Variants in KAZN observed in about 807,000 individuals in gnomAD.
The protein encoded by KAZN is kazrin.
KAZN carries 40 observed loss-of-function variants against 87.4 expected under a neutral mutation model. The ratio of observed to expected loss-of-function variants is 0.46; its 90% CI spans 0.36 to 0.60. The LOEUF (loss-of-function observed/expected upper bound fraction) is 0.60, where lower values mean the gene tolerates loss of function less well. Ranked by LOEUF, KAZN falls within the 20% of genes least tolerant of loss-of-function variation. The pLI is 0.00. For synonymous variants in KAZN, 466 were observed against 458.3 expected, an observed-to-expected ratio of 1.02 and a Z score of -0.22; for missense variants, 898 against 1,073.9, an observed-to-expected ratio of 0.84 and a Z score of 2.29.
intron 1 of KAZN, among the ~76,000 whole-genome samples, chr1:14,880,995 G>T (rs1190602627): frequency 6.6e-6 from 1 of 152,202 alleles, no homozygotes; most frequent in Non-Finnish European, 1.5e-5. Flanking sequence ...GGAAAACAAT[G>T]AGGTAAGAAA....
At position 14,438,498 on chromosome 1, in the gene KAZN, T is replaced by C. The variant is rs1189485743; in HGVS notation, c.250-160485T>C. On this transcript the variant is annotated intron_variant, in intron 2 of 16. Transcript: ENST00000636203. The stretch of plus-strand genomic sequence containing the variant: ...GCAAGAGAGTAAGCCATCAGGTATC[T>C]GGGGGAAGAACATTCTAGACATCAA... Among the ~76,000 whole-genome samples the C allele has an allele frequency of 2.0e-5, 3 of 152,116 alleles. No individual in the cohort carries two copies. The East Asian group carries it at 5.8e-4, about 29-fold the overall frequency.
intron 2 of KAZN, among the ~76,000 whole-genome samples, chr1:14,492,461 G>C (rs1017625843): frequency 1.3e-5 from 2 of 151,620 alleles, no homozygotes; most frequent in Admixed American, 1.3e-4. Flanking sequence ...AAATCAACGG[G>C]AAGAAGATGG....
intron 2 of KAZN, among the ~76,000 whole-genome samples, chr1:14,512,659 C>A (rs1050287590): frequency 1.3e-5 from 2 of 152,208 alleles, no homozygotes; most frequent in African/African-American, 4.8e-5. Flanking sequence ...TCACACAGTT[C>A]GCCGGGGTCA....
chr1:14,587,489 G>A (rs1459326420), intron 2 of KAZN, among the ~76,000 whole-genome samples: 1 of 151,830 alleles, frequency 6.6e-6, no homozygotes, highest in South Asian at 2.1e-4. Context: ...CACTTTTGCA[G>A]GCTGTACAGG....
At chr1:14,556,879 C>G (rs1005383077) in intron 2 of KAZN, among the ~76,000 whole-genome samples, 2 of 152,176 alleles carry the variant, frequency 1.3e-5, no homozygotes, top group Non-Finnish European at 2.9e-5. Flanking sequence ...TCCCGAGGAC[C>G]CTTGCATGGC....
chr1:14,988,453 G>A (rs1173885895), intron 2 of KAZN, among the ~76,000 whole-genome samples: 2 of 152,188 alleles, frequency 1.3e-5, no homozygotes, highest in South Asian at 2.1e-4. Flanking sequence ...AGCTCCACCC[G>A]GCCCAGCCCT....
At chr1:14,199,163 A>G (rs538576271) in intron 2 of KAZN, among the ~76,000 whole-genome samples, 10 of 152,168 alleles carry the variant, frequency 6.6e-5, no homozygotes, top group Non-Finnish European at 1.3e-4. Context: ...AGTGTTTCCC[A>G]TTGCATTTAG....
At chr1:14,642,132 G>T (rs1051947986) in intron 1 of KAZN, among the ~76,000 whole-genome samples, 2 of 152,230 alleles carry the variant, frequency 1.3e-5, no homozygotes, top group Non-Finnish European at 2.9e-5. Flanking sequence ...AGGCATGGTG[G>T]CTTAAGCCTG....
chr1:14,206,578 T>TA lies in KAZN; in HGVS notation c.249+25990dup, dbSNP rs1173563406. ...TAATCTTACCAAGAGGAAGTATAGT[T>TA]AAAACAAGTGTTTTAAAAAAAATAA... On this transcript the variant is annotated intron_variant, in intron 2 of 16. Transcript: ENST00000636203. Among the ~76,000 whole-genome samples, 4 of 152,268 alleles carry TA rather than the reference T, an allele frequency of 2.6e-5. No individual in the cohort carries two copies. The East Asian group carries it at 5.8e-4, about 22-fold the overall frequency.
chr1:13,983,736 C>T (rs973978380), intron 1 of KAZN, among the ~76,000 whole-genome samples: 25 of 152,264 alleles, frequency 1.6e-4, no homozygotes, highest in African/African-American at 6.0e-4. Context: ...CAAAGGGAAC[C>T]TCTTTTCCTT....
intron 2 of KAZN, among the ~76,000 whole-genome samples, chr1:14,466,767 G>T (rs995202895): frequency 6.6e-6 from 1 of 151,960 alleles, no homozygotes; most frequent in Non-Finnish European, 1.5e-5. Context: ...AGGAGATGGA[G>T]ACCATCCTGG....
At chr1:14,248,797 G>T (rs751144340) in intron 2 of KAZN, among the ~76,000 whole-genome samples, 1 of 152,186 alleles carries the variant, frequency 6.6e-6, no homozygotes, top group Non-Finnish European at 1.5e-5. Context: ...TGTAAAGAGG[G>T]TGAAACTGAT....
chr1:15,039,780 G>A (rs531004714), intron 3 of KAZN, among the ~76,000 whole-genome samples: 24 of 152,166 alleles, frequency 1.6e-4, no homozygotes, highest in African/African-American at 5.1e-4. Context: ...GTGACTAGGG[G>A]CATCCCCCAA....
intron 2 of KAZN, among the ~76,000 whole-genome samples, chr1:14,315,135 A>C (rs1655568134): frequency 6.6e-6 from 1 of 152,114 alleles, no homozygotes; most frequent in Non-Finnish European, 1.5e-5. Context: ...ATAAACATTC[A>C]TATTCAAGTT....
intron 2 of KAZN, among the ~76,000 whole-genome samples, chr1:14,380,700 G>T (rs1661292502): frequency 6.6e-6 from 1 of 152,042 alleles, no homozygotes; most frequent in Non-Finnish European, 1.5e-5. Context: ...GAATAAAAAA[G>T]AATGAAGCAC....
chr1:14,820,057 A>G lies in KAZN; in HGVS notation c.227-140627A>G, dbSNP rs1646694287. ...ATATAGTCCACCCTCACCTCTATCTAATCTAGTGGTTCTCCAACTTTAATG... is the reference window on the plus strand; with the variant it reads ...ATATAGTCCACCCTCACCTCTATCTGATCTAGTGGTTCTCCAACTTTAATG... On this transcript the variant is annotated intron_variant, in intron 1 of 14. Transcript: ENST00000376030. The surrounding 1 kb of genome is among the most constrained non-coding windows in gnomAD (Gnocchi z 4.1). Among the ~76,000 whole-genome samples, 1 of 151,996 alleles carries G rather than the reference A, an allele frequency of 6.6e-6. No homozygotes were observed. The highest frequency in any genetic ancestry group is 2.1e-4 in the South Asian group (1 of 4,820).
intron 1 of KAZN, among the ~76,000 whole-genome samples, chr1:14,942,033 G>A (rs1661140397): frequency 2.0e-5 from 3 of 152,182 alleles, no homozygotes; most frequent in Admixed American, 2.0e-4. Flanking sequence ...TACAGGGCTT[G>A]TTCGTGTCCC....
chr1:14,397,861 C>CAAAA (rs761120479), intron 2 of KAZN, among the ~76,000 whole-genome samples: 13 of 40,628 alleles, frequency 3.2e-4, no homozygotes, highest in East Asian at 6.6e-4. Flanking sequence ...AACTCCATCT[C>CAAAA]AAAAAAAAAA....
rs145688632 is a variant in KAZN at position 15,055,922 on chromosome 1, C to T, written c.727-169C>T. ...GGAGAACAACAGTTCCTCCCTCACA[C>T]GGCTGCGGGGCAGGCGCTTGACTTA... is the stretch of plus-strand genomic sequence containing the variant. On this transcript the variant is annotated intron_variant, in intron 4 of 14. Coordinates refer to ENST00000376030, the MANE Select transcript of KAZN (RefSeq NM_201628.3). Among the ~76,000 whole-genome samples the T allele has an allele frequency of 1.1e-3, 172 of 152,364 alleles. 1 individual carries two copies. Among genetic ancestry groups the T allele is most frequent in the African/African-American group, 3.8e-3 (157 of 41,588 alleles).
Sources: gnomAD v4.1 joint callset for allele counts (sites outside exome capture counted in the v4.1 genomes callset) on GRCh38, gnomAD v4.1.1 for gene constraint, Gnocchi (gnomAD v3.1) non-coding constraint, MANE v1.5 for transcripts, NCBI Gene and HGNC (gene_info 2026-07-23, HGNC 2026-07-21) for gene names.